Variants in KCNMA1 observed in about 807,000 individuals in gnomAD.
KCNMA1 encodes the protein potassium calcium-activated channel subfamily M alpha 1.
Under a neutral mutation model 140.0 loss-of-function variants are expected in KCNMA1, and 29 were observed. The observed-to-expected ratio is 0.21, with a 90% CI of 0.15 to 0.28. KCNMA1 has a LOEUF of 0.28. Among genes scored for constraint, KCNMA1 ranks in the 10% least tolerant of loss-of-function variants. KCNMA1 has a pLI of 1.00. For synonymous variants in KCNMA1, 612 were observed against 611.9 expected, an observed-to-expected ratio of 1.00 and a Z score of 0.00; for missense variants, 880 against 1,602.2, an observed-to-expected ratio of 0.55 and a Z score of 7.70.
At chr10:77,192,841 G>A (rs1295566270) in intron 3 of KCNMA1, among the ~76,000 whole-genome samples, 2 of 152,094 alleles carry the variant, frequency 1.3e-5, no homozygotes, top group East Asian at 3.9e-4. Context: ...ATGCCCAACA[G>A]GCTGTGCATT....
chr10:77,026,582 T>G (rs1249143442), intron 16 of KCNMA1, among the ~76,000 whole-genome samples: 1 of 152,174 alleles, frequency 6.6e-6, no homozygotes, highest in Non-Finnish European at 1.5e-5. Context: ...AAGAAAATAT[T>G]TATCTATCTA....
intron 1 of KCNMA1, among the ~76,000 whole-genome samples, chr10:77,414,248 C>T (rs1015829387): frequency 1.3e-5 from 2 of 152,118 alleles, no homozygotes; most frequent in Non-Finnish European, 1.5e-5. Flanking sequence ...GCTCTGTAAC[C>T]CTGGGCAAGT....
chr10:76,989,148 C>T (rs2082073200), intron 19 of KCNMA1, among the ~76,000 whole-genome samples: 1 of 152,070 alleles, frequency 6.6e-6, no homozygotes, highest in Admixed American at 6.6e-5. Flanking sequence ...TAGATAATAC[C>T]AGGACCCCGG....
intron 5 of KCNMA1, among the ~76,000 whole-genome samples, chr10:77,154,060 C>T (rs1363944746): frequency 6.6e-6 from 1 of 152,144 alleles, no homozygotes; most frequent in Non-Finnish European, 1.5e-5. Context: ...GTAATTGGAT[C>T]ACGGGGGCGG....
At chr10:77,224,466 A>G (rs757785274) in intron 3 of KCNMA1, among the ~76,000 whole-genome samples, 5 of 152,168 alleles carry the variant, frequency 3.3e-5, no homozygotes, top group Non-Finnish European at 5.9e-5. Flanking sequence ...TCTTTACACT[A>G]CAAGAAAGGG....
intron 1 of KCNMA1, among the ~76,000 whole-genome samples, chr10:77,514,521 C>T (rs816839): frequency 0.62 from 93,794 of 152,044 alleles, 30,101 homozygotes; most frequent in East Asian, 0.79. Flanking sequence ...AGATTCCCAA[C>T]GCAGTGACAA....
At chr10:77,317,338 G>A (rs568454973) in intron 2 of KCNMA1, among the ~76,000 whole-genome samples, 7 of 152,254 alleles carry the variant, frequency 4.6e-5, no homozygotes, top group Non-Finnish European at 7.4e-5. Context: ...TTTTGTTCAC[G>A]TTTCATTTGT....
intron 2 of KCNMA1, chr10:77,304,685 G>A (rs1043293827): frequency 6.6e-6 from 1 of 152,234 alleles, no homozygotes; most frequent in Non-Finnish European, 1.5e-5. Flanking sequence ...GTCGTTCGAA[G>A]CCCCTGAGTG....
intron 3 of KCNMA1, among the ~76,000 whole-genome samples, chr10:77,222,517 A>C (rs528080337): frequency 1.3e-5 from 2 of 152,348 alleles, no homozygotes; most frequent in Admixed American, 1.3e-4. Context: ...GTCCTTCTGC[A>C]AGATCCCAAT....
chr10:76,986,016 C>G (rs2081176128), intron 19 of KCNMA1, among the ~76,000 whole-genome samples: 1 of 152,070 alleles, frequency 6.6e-6, no homozygotes, highest in Non-Finnish European at 1.5e-5. Flanking sequence ...GATCAAAGGG[C>G]CCCGGTAAAT....
At chr10:77,292,216 C>G (rs2073509358) in intron 2 of KCNMA1, among the ~76,000 whole-genome samples, 1 of 152,188 alleles carries the variant, frequency 6.6e-6, no homozygotes, top group Admixed American at 6.5e-5. Flanking sequence ...CTCAGGAAGT[C>G]TCCACTGTTA....
At chr10:77,143,214 T>C in intron 5 of KCNMA1, among the ~76,000 whole-genome samples, 1 of 152,188 alleles carries the variant, frequency 6.6e-6, no homozygotes, top group Non-Finnish European at 1.5e-5. Flanking sequence ...ATAAAAAGAA[T>C]AATACTTTAG....
intron 5 of KCNMA1, among the ~76,000 whole-genome samples, chr10:77,144,562 T>G (rs1488066605): frequency 1.3e-5 from 2 of 152,182 alleles, no homozygotes; most frequent in African/African-American, 4.8e-5. Context: ...ACCCTCAGGA[T>G]CTATGCATTT....
chr10:76,950,417 G>A (rs1037530447), intron 21 of KCNMA1, among the ~76,000 whole-genome samples: 1 of 152,192 alleles, frequency 6.6e-6, no homozygotes, highest in Admixed American at 6.5e-5. Flanking sequence ...AAAGAACACA[G>A]TCACTCTATT....
intron 21 of KCNMA1, among the ~76,000 whole-genome samples, chr10:76,952,688 G>T (rs985322209): frequency 6.6e-6 from 1 of 152,152 alleles, no homozygotes; most frequent in Non-Finnish European, 1.5e-5. Flanking sequence ...ATACTGTATT[G>T]GCTGTTAATG....
intron 12 of KCNMA1, among the ~76,000 whole-genome samples, chr10:77,083,822 G>A (rs948219680): frequency 1.5e-5 from 2 of 136,024 alleles, no homozygotes; most frequent in African/African-American, 2.7e-5. Flanking sequence ...GCGATAGTGC[G>A]AGACTCTGTC....
chr10:77,147,105 C>G (rs2098317357), intron 5 of KCNMA1, among the ~76,000 whole-genome samples: 1 of 152,146 alleles, frequency 6.6e-6, no homozygotes, highest in African/African-American at 2.4e-5. Flanking sequence ...CAGTGATGGC[C>G]CTATTTTTAG....
intron 23 of KCNMA1, among the ~76,000 whole-genome samples, chr10:76,932,815 C>T (rs900591306): frequency 1.2e-4 from 18 of 152,168 alleles, no homozygotes; most frequent in Non-Finnish European, 1.8e-4. Context: ...TCCAGTCTAC[C>T]GCTGAGAGGA....
At chr10:77,373,177 ATGC>A (rs760224552) in intron 2 of KCNMA1, among the ~76,000 whole-genome samples, 17 of 152,184 alleles carry the variant, frequency 1.1e-4, no homozygotes, top group Non-Finnish European at 2.2e-4. Context: ...ATGTAAACTC[ATGC>A]TGCCATCTTG....
Sources: allele counts gnomAD v4.1 joint callset (sites outside exome capture counted in the v4.1 genomes callset), GRCh38; gene constraint gnomAD v4.1.1; transcripts MANE v1.5; gene names NCBI Gene and HGNC (gene_info 2026-07-23, HGNC 2026-07-21).